FOXP1: variants seen among roughly 807,000 people sequenced by gnomAD.
FOXP1 encodes forkhead box protein P1.
In FOXP1, 15 loss-of-function variants were observed where a neutral mutation model predicts 98.2. That is an observed-to-expected ratio of 0.15 (90% CI 0.10 to 0.24). The LOEUF is 0.24. Ranked by LOEUF, FOXP1 falls within the 10% of genes least tolerant of loss-of-function variation. The pLI is 1.00. For missense variants in FOXP1, 633 were observed against 848.5 expected (o/e 0.75, Z 3.15); for synonymous variants, 371 against 314.5 (o/e 1.18, Z -1.90).
chr3:71,571,148 A>G (rs959577630), intron 2 of FOXP1: 3 of 152,250 alleles, frequency 2.0e-5, no homozygotes, highest in Non-Finnish European at 4.4e-5. Flanking sequence ...GAATTGTGTT[A>G]GAAACGCTTT....
Position 71,406,405 on chromosome 3 carries a change from G to GTATGTATATATATATATA in FOXP1, c.-167-47162_-167-47161insTATATATATATATACATA, listed in dbSNP as rs2082336447. On this transcript the variant is annotated intron_variant, in intron 3 of 20. Coordinates refer to ENST00000649528, the MANE Select transcript of FOXP1 (RefSeq NM_001349338.3). ...TAATTGACACATAATAACTGTATGT[G>GTATGTATATATATATATA]TATATATATATATATATATGGTACA... 2.6e-4 allele frequency among the ~76,000 whole-genome samples: 28 copies of GTATGTATATATATATATA among 105,942 alleles called. 3 individuals are homozygous for GTATGTATATATATATATA. The highest frequency in any genetic ancestry group is 8.4e-4 in the Admixed American group (9 of 10,684). The allele number at this position is 105,942 out of a possible 152,430, so 69.5% of individuals were successfully genotyped here.
chr3:71,296,703 TC>T (rs149284578), intron 5 of FOXP1, among the ~76,000 whole-genome samples: 35,629 of 151,984 alleles, frequency 0.23, 4,525 homozygotes, highest in Middle Eastern at 0.28. Flanking sequence ...CCTCCAAATC[TC>T]CCTCTTGAAA....
chr3:71,070,460 T>C (rs2053079188), intron 7 of FOXP1, among the ~76,000 whole-genome samples: 1 of 152,176 alleles, frequency 6.6e-6, no homozygotes, highest in African/African-American at 2.4e-5. Context: ...CGATACAGTA[T>C]ATTTGGCTGA....
intron 3 of FOXP1, among the ~76,000 whole-genome samples, chr3:71,371,200 GGACTGTGCTCT>G (rs1487101523): frequency 6.6e-6 from 1 of 152,202 alleles, no homozygotes; most frequent in Non-Finnish European, 1.5e-5. Flanking sequence ...CACACTTGGA[GGACTGTGCTCT>G]GAAGCACTGT....
chr3:71,138,884 T>C (rs1166137298), intron 6 of FOXP1, among the ~76,000 whole-genome samples: 1 of 151,740 alleles, frequency 6.6e-6, no homozygotes, highest in Non-Finnish European at 1.5e-5. Context: ...TCATTAACAG[T>C]GGAAAAACTG....
At chr3:71,401,952 CT>C (rs1004472154) in intron 3 of FOXP1, among the ~76,000 whole-genome samples, 2 of 152,174 alleles carry the variant, frequency 1.3e-5, no homozygotes, top group African/African-American at 2.4e-5. Context: ...TCCCTCACCC[CT>C]ATCCCCACCC....
intron 6 of FOXP1, among the ~76,000 whole-genome samples, chr3:71,178,549 G>A (rs2062085202): frequency 6.6e-6 from 1 of 152,144 alleles, no homozygotes; most frequent in Non-Finnish European, 1.5e-5. Context: ...AGGAGCTTGA[G>A]ACCAGCCTGG....
At chr3:71,254,330 T>C (rs1306181733) in intron 5 of FOXP1, among the ~76,000 whole-genome samples, 1 of 152,058 alleles carries the variant, frequency 6.6e-6, no homozygotes, top group African/African-American at 2.4e-5. Flanking sequence ...TACAGGTAGG[T>C]AGGTTGGGCA....
chr3:71,564,168 C>T (rs1483753686), intron 2 of FOXP1, among the ~76,000 whole-genome samples: 2 of 152,330 alleles, frequency 1.3e-5, no homozygotes, highest in East Asian at 1.9e-4. Flanking sequence ...AACCCCAAAA[C>T]ACAGCAATAA....
chr3:71,503,220 A>G (rs1212264730), intron 2 of FOXP1, among the ~76,000 whole-genome samples: 1 of 152,190 alleles, frequency 6.6e-6, no homozygotes, highest in Non-Finnish European at 1.5e-5. Context: ...TCTGTTTTCT[A>G]GAGAGTTCTC....
chr3:71,460,199 A>T (rs2087919029), intron 3 of FOXP1, among the ~76,000 whole-genome samples: 1 of 151,524 alleles, frequency 6.6e-6, no homozygotes, highest in Non-Finnish European at 1.5e-5. Flanking sequence ...GATATTAGCA[A>T]ACCATTTAGC....
intron 4 of FOXP1, among the ~76,000 whole-genome samples, chr3:71,317,984 G>A (rs539046767): frequency 5.3e-5 from 8 of 151,504 alleles, no homozygotes; most frequent in Non-Finnish European, 8.9e-5. Flanking sequence ...AAACAGATAC[G>A]GCGTGGCTTT....
chr3:71,421,641 C>T (rs1215038731), intron 3 of FOXP1, among the ~76,000 whole-genome samples: 2 of 152,098 alleles, frequency 1.3e-5, no homozygotes, highest in African/African-American at 2.4e-5. Context: ...GAGACACCTG[C>T]GTAGTGAATG....
chr3:71,409,820 C>T (rs2082603119), intron 3 of FOXP1, among the ~76,000 whole-genome samples: 1 of 152,142 alleles, frequency 6.6e-6, no homozygotes, highest in African/African-American at 2.4e-5. Flanking sequence ...TTGAGACCAG[C>T]CTGGGCAACA....
At chr3:71,016,939 G>A (rs1009071399) in intron 11 of FOXP1, among the ~76,000 whole-genome samples, 1 of 151,546 alleles carries the variant, frequency 6.6e-6, no homozygotes, top group African/African-American at 2.4e-5. Context: ...TAATTTTGCT[G>A]GAAATCTAAT....
At chr3:70,988,276 A>G (rs1308660461) in intron 13 of FOXP1, among the ~76,000 whole-genome samples, 199 bp from the exon 14 acceptor site, 1 of 152,256 alleles carries the variant, frequency 6.6e-6, no homozygotes, top group African/African-American at 2.4e-5. Flanking sequence ...TCTCAACACA[A>G]GATGCATTAG....
At chr3:71,006,005 G>T (rs1198679794) in intron 12 of FOXP1, among the ~76,000 whole-genome samples, 1 of 152,044 alleles carries the variant, frequency 6.6e-6, no homozygotes, top group Non-Finnish European at 1.5e-5. Flanking sequence ...AACACAGGAG[G>T]AACACGGGGG....
chr3:71,011,194 G>A (rs537243302), intron 12 of FOXP1, among the ~76,000 whole-genome samples: 1 of 152,260 alleles, frequency 6.6e-6, no homozygotes, highest in South Asian at 2.1e-4. Flanking sequence ...GCTCTCCTTT[G>A]CTACTTTACA....
At chr3:71,290,664 C>T (rs905785616) in intron 5 of FOXP1, among the ~76,000 whole-genome samples, 1 of 152,176 alleles carries the variant, frequency 6.6e-6, no homozygotes, top group Non-Finnish European at 1.5e-5. Context: ...CTCAGTCTGG[C>T]CCTGTTACAC....
Sources: gnomAD v4.1 joint callset for allele counts (sites outside exome capture counted in the v4.1 genomes callset) on GRCh38, gnomAD v4.1.1 for gene constraint, MANE v1.5 for transcripts, NCBI Gene and HGNC (gene_info 2026-07-23, HGNC 2026-07-21) for gene names.